Variants in NECTIN2 observed in about 807,000 individuals in gnomAD.
The protein encoded by NECTIN2 is nectin cell adhesion molecule 2.
Under a neutral mutation model 56.9 loss-of-function variants are expected in NECTIN2, and 23 were observed. The ratio of observed to expected loss-of-function variants is 0.40; its 90% CI spans 0.29 to 0.57. The LOEUF (loss-of-function observed/expected upper bound fraction) is 0.57. Ranked by LOEUF, NECTIN2 falls within the 20% of genes least tolerant of loss-of-function variation. The pLI is 0.38. For missense variants in NECTIN2, 587 were observed against 718.3 expected (o/e 0.82, Z 2.09); for synonymous variants, 302 against 313.8 (o/e 0.96, Z 0.40).
At chr19:44,860,790 C>T (rs1969023234) in intron 1 of NECTIN2, among the ~76,000 whole-genome samples, 1 of 151,700 alleles carries the variant, frequency 6.6e-6, no homozygotes, top group Admixed American at 6.6e-5. Context: ...GGTATTTCAC[C>T]GTGTTGGCCA....
At chr19:44,856,313 A>G (rs3112438) in intron 1 of NECTIN2, among the ~76,000 whole-genome samples, 36,487 of 152,062 alleles carry the variant, frequency 0.24, 4,590 homozygotes, top group African/African-American at 0.29. Flanking sequence ...ATAAAATCCT[A>G]AGACCTATTA....
chr19:44,863,014 TAGC>T (rs1969052155), intron 1 of NECTIN2, among the ~76,000 whole-genome samples: 14 of 140,888 alleles, frequency 9.9e-5, no homozygotes, highest in Non-Finnish European at 2.0e-4. Context: ...AAAAAAAAAT[TAGC>T]CGGGCATGGT....
chr19:44,847,447 C>G (rs897099378), intron 1 of NECTIN2, among the ~76,000 whole-genome samples: 1 of 152,156 alleles, frequency 6.6e-6, no homozygotes, highest in Non-Finnish European at 1.5e-5. Flanking sequence ...GAGACTCGAT[C>G]TCGTGGGCTT....
chr19:44,882,263 C>T lies in NECTIN2; in HGVS notation c.1095C>T (p.Ile365=). 1 of 1,555,412 alleles carries T rather than the reference C, an allele frequency of 6.4e-7. No individual in the cohort carries two copies. The highest frequency in any genetic ancestry group is 1.2e-5 in the South Asian group (1 of 84,290). Residue 365 remains isoleucine (I), a synonymous_variant, in exon 6 of 9, where the codon ATC becomes ATT. Coordinates refer to ENST00000252483, the MANE Select transcript of NECTIN2 (RefSeq NM_001042724.2). The part of the protein sequence containing the change: ...AGATGGIIGG[I]IAAIIATAVA... The stretch of plus-strand genomic sequence containing the variant: ...CCACAGGCGGCATCATCGGGGGCAT[C>T]ATCGCCGCCATCATTGCTACTGCTG...
At chr19:44,860,693 G>C (rs932996892) in intron 1 of NECTIN2, among the ~76,000 whole-genome samples, 1 of 151,516 alleles carries the variant, frequency 6.6e-6, no homozygotes, top group Non-Finnish European at 1.5e-5. Flanking sequence ...CTGGAGTGCA[G>C]AGGCGCGATC....
In NECTIN2 at chr19:44,875,486, G is replaced by A. The variant is rs758688952; in HGVS notation, c.1042+1008G>A. On this transcript the variant is annotated intron_variant, in intron 5 of 8. Transcript: ENST00000252483. This position sits in a 1 kb window ranked among gnomAD's most constrained non-coding sequence, Gnocchi z 4.2. ...TCACCATATTGGTCAGGCTGGTCTC[G>A]AACTGCTGACCTCAGGTGATCCACC... Among the ~76,000 whole-genome samples the A allele has an allele frequency of 1.9e-4, 29 of 152,148 alleles. No homozygotes were observed. Among genetic ancestry groups the A allele is most frequent in the Non-Finnish European group, 3.2e-4 (22 of 68,018 alleles).
At chr19:44,881,151 G>C (rs1036940672) in intron 5 of NECTIN2, among the ~76,000 whole-genome samples, 2 of 151,380 alleles carry the variant, frequency 1.3e-5, no homozygotes, top group East Asian at 3.9e-4. Context: ...TGAACAATCC[G>C]CCCGCCTCGC....
chr19:44,869,728 A>G (rs1289635738), intron 2 of NECTIN2, among the ~76,000 whole-genome samples: 1 of 152,052 alleles, frequency 6.6e-6, no homozygotes, highest in Non-Finnish European at 1.5e-5. Context: ...CAAGGCAAGC[A>G]GCTCTTGCAA....
rs555757621 is a variant in NECTIN2 at position 44,877,712 on chromosome 19, G to A, written c.1042+3234G>A. 1.2e-4 allele frequency among the ~76,000 whole-genome samples: 19 copies of A among 152,300 alleles called. No homozygotes were observed. The South Asian group carries it at 2.9e-3, about 23-fold the overall frequency. On this transcript the variant is annotated intron_variant, in intron 5 of 8. Transcript: ENST00000252483. ...GGCCCCCAAGCTCATAGCTTTGTGA[G>A]GACCCCACAGCACATTCAGGGAGGG...
intron 1 of NECTIN2, among the ~76,000 whole-genome samples, chr19:44,857,150 G>A (rs746477419): frequency 2.0e-5 from 3 of 151,908 alleles, no homozygotes; most frequent in African/African-American, 4.8e-5. Flanking sequence ...GTTTATTCAA[G>A]CCTAAAGCTT....
chr19:44,862,872 G>A (rs911928703), intron 1 of NECTIN2, among the ~76,000 whole-genome samples: 4 of 151,910 alleles, frequency 2.6e-5, no homozygotes, highest in Admixed American at 6.6e-5. Flanking sequence ...AAAATTGGCC[G>A]GGCGCGGTGG....
Position 44,865,782 on chromosome 19 carries a change from C to T in NECTIN2, c.478+122C>T. The T allele has an allele frequency of 8.5e-7, 1 of 1,174,524 alleles. No individual in the cohort carries two copies. The highest frequency in any genetic ancestry group is 1.2e-6 in the Non-Finnish European group (1 of 866,148). The allele number at this position is 1,174,524 out of a possible 1,614,324, so 72.8% of individuals were successfully genotyped here. A position where few individuals can be genotyped will look rare whatever the true frequency, so the allele number is the denominator to read the frequency against. ...GTTCACATTCTCTGTGGGTTTCCATCCATCAGCAAATGTTCATTAAGCACC... is the reference window on the plus strand; with the variant it reads ...GTTCACATTCTCTGTGGGTTTCCATTCATCAGCAAATGTTCATTAAGCACC... On this transcript the variant is annotated intron_variant, in intron 2 of 8. Coordinates refer to ENST00000252483, the MANE Select transcript of NECTIN2 (RefSeq NM_001042724.2). The surrounding 1 kb of genome is among the most constrained non-coding windows in gnomAD (Gnocchi z 5.2).
At chr19:44,867,636 G>T (rs1969116791) in intron 2 of NECTIN2, among the ~76,000 whole-genome samples, 1 of 152,210 alleles carries the variant, frequency 6.6e-6, no homozygotes, top group Admixed American at 6.5e-5. Context: ...TAGCAGAGGG[G>T]CACGGGCACA....
At chr19:44,846,810 C>T (rs1568584469) in intron 1 of NECTIN2, among the ~76,000 whole-genome samples, 197 bp downstream of exon 1, 1 of 150,532 alleles carries the variant, frequency 6.6e-6, no homozygotes, top group Non-Finnish European at 1.5e-5. Flanking sequence ...CCCCTCCTTT[C>T]TGCATCTCTC....
At chr19:44,883,079 C>T (rs951355745) in intron 6 of NECTIN2, among the ~76,000 whole-genome samples, 2 of 152,090 alleles carry the variant, frequency 1.3e-5, no homozygotes, top group Non-Finnish European at 2.9e-5. Flanking sequence ...CCATGGCTGG[C>T]CAGTTGTTAA....
intron 6 of NECTIN2, 34 bp from the exon 7 acceptor site, chr19:44,885,903 T>C: frequency 6.6e-7 from 1 of 1,522,826 alleles, no homozygotes; most frequent in South Asian, 1.1e-5. Context: ...TGCCTGGGTC[T>C]TAATCTCCAC....
At position 44,889,010 on chromosome 19, in the gene NECTIN2, G is replaced by C. The variant is rs1385328214; in HGVS notation, c.*631G>C. Reference sequence around the variant, plus strand: ...AGCAGCCCCAGCCTAGGGTCAGACAGGGTGAGCCTCATACAGACTGTGCCT... The same window carrying C: ...AGCAGCCCCAGCCTAGGGTCAGACACGGTGAGCCTCATACAGACTGTGCCT... On this transcript the variant is annotated 3_prime_UTR_variant, in exon 9 of 9. Transcript: ENST00000252483. The C allele has an allele frequency of 6.7e-6, 1 of 150,210 alleles. No homozygotes were observed. Among genetic ancestry groups the C allele is most frequent in the Non-Finnish European group, 1.5e-5 (1 of 68,008 alleles). The allele number at this position is 150,210 out of a possible 1,614,324, so 9.3% of individuals were successfully genotyped here. A position where few individuals can be genotyped will look rare whatever the true frequency, so the allele number is the denominator to read the frequency against.
chr19:44,852,293 G>T (rs1968908516), intron 1 of NECTIN2, among the ~76,000 whole-genome samples: 1 of 152,070 alleles, frequency 6.6e-6, no homozygotes, highest in South Asian at 2.1e-4. Context: ...GGGATTACAG[G>T]CAGGTGCCAC....
intron 1 of NECTIN2, among the ~76,000 whole-genome samples, chr19:44,859,820 G>A (rs1430921794): frequency 3.0e-5 from 4 of 134,130 alleles, no homozygotes; most frequent in Non-Finnish European, 4.9e-5. Context: ...GCAAGACTCC[G>A]TCTCCAAAAA....
Sources: gnomAD v4.1 joint callset for allele counts (sites outside exome capture counted in the v4.1 genomes callset) on GRCh38, gnomAD v4.1.1 for gene constraint, Gnocchi (gnomAD v3.1) non-coding constraint, MANE v1.5 for transcripts, NCBI Gene and HGNC (gene_info 2026-07-23, HGNC 2026-07-21) for gene names.